The following UBR4 variants were observed in gnomAD, a reference collection of about 807,000 sequenced individuals.
UBR4 encodes the protein ubiquitin protein ligase E3 component n-recognin 4, also known as E3 ubiquitin-protein ligase UBR4.
A neutral mutation model predicts 575.6 loss-of-function variants in UBR4; 124 were observed. The observed-to-expected ratio is 0.22, with a 90% CI of 0.19 to 0.25. The LOEUF (loss-of-function observed/expected upper bound fraction) is 0.25, where lower values mean the gene tolerates loss of function less well. UBR4 is among the 10% of genes least tolerant of loss of function. The pLI is 1.00. For synonymous variants in UBR4, 2,455 were observed against 2,473.7 expected (o/e 0.99, Z 0.22); for missense variants, 4,818 against 6,478.8 (o/e 0.74, Z 8.80).
At chr1:19,126,407 C>T in intron 64 of UBR4, 39 bp downstream of exon 64, 2 of 1,612,818 alleles carry the variant, frequency 1.2e-6, no homozygotes, top group East Asian at 2.2e-5. Flanking sequence ...GTGCTCTGAA[C>T]AAAGGACGAG....
chr1:19,179,309 T>A lies in UBR4; in HGVS notation c.2185-89A>T, dbSNP rs2090622160. The A allele has an allele frequency of 3.0e-6, 4 of 1,333,760 alleles. 1 individual carries two copies. The South Asian group carries it at 7.4e-5, about 25-fold the overall frequency. 82.6% of individuals were successfully genotyped at this position (1,333,760 alleles called of 1,614,324 possible). The stretch of plus-strand genomic sequence containing the variant: ...TCATGTTCTCAAACGTTTGTTTGTT[T>A]AATATTGAACAGAATATTTTAAAGA... On this transcript the variant is annotated intron_variant, in intron 17 of 105. Transcript: ENST00000375254.
At chr1:19,082,520 C>T (rs2076621108) in intron 102 of UBR4, among the ~76,000 whole-genome samples, 1 of 152,206 alleles carries the variant, frequency 6.6e-6, no homozygotes, top group South Asian at 2.1e-4. Context: ...TGACACGCTT[C>T]TGGGTACACT....
rs139905088 is a variant in UBR4, at chr1:19,088,861, G to A, written c.14328C>T (p.Asp4776=). The A allele has an allele frequency of 1.5e-5, 25 of 1,614,034 alleles. No individual in the cohort carries two copies. Among genetic ancestry groups the A allele is most frequent in the Admixed American group, 6.7e-5 (4 of 60,002 alleles). The change falls in exon 98 of 106, where the codon GAC becomes GAT. Residue 4776 remains aspartate (D), a synonymous_variant. Coordinates refer to ENST00000375254, the MANE Select transcript of UBR4 (RefSeq NM_020765.3). This position sits in a 1 kb window ranked among gnomAD's most constrained non-coding sequence, Gnocchi z 4.0. ...GGGCTGCGTCAATCTTCTTGTTTAC[G>A]TCAGGGTGTTCCCGCAGGGCTTCCA... ...NLLEALREHP[D]VNKKIDAARR...
Position 19,210,089 on chromosome 1 carries a change from C to A in UBR4, c.160G>T (p.Ala54Ser). The A allele has an allele frequency of 6.4e-7, 1 of 1,573,576 alleles. No homozygotes were observed. Among genetic ancestry groups the A allele is most frequent in the South Asian group, 1.2e-5 (1 of 86,746 alleles). ...GCCCGGTACCTCTCGATGACTGAGG[C>A]CACCAGCTGCGGCAACTCCTTCATC... The part of the protein sequence containing the change: ...FEMKELPQLV[A>S]SVIESESEIL... The change falls in exon 1 of 106, where the codon GCC (alanine) becomes TCC (serine). Residue 54 changes from alanine (A) to serine (S), a missense_variant. Physicochemically the swap from Ala to Ser is moderately conservative, Grantham distance 99. Around this residue, in one of 29 missense-constraint regions of UBR4, gnomAD observed 95 missense variants for 87.7 expected, o/e 1.08. Coordinates refer to ENST00000375254, the MANE Select transcript of UBR4 (RefSeq NM_020765.3).
intron 48 of UBR4, 89 bp from the exon 49 acceptor site, chr1:19,150,882 G>T: frequency 7.8e-7 from 1 of 1,274,884 alleles, no homozygotes; most frequent in Non-Finnish European, 1.1e-6. Context: ...GAGCAAAGAA[G>T]TAAATCACGT....
At chr1:19,194,726 T>C (rs1428189818) in intron 8 of UBR4, among the ~76,000 whole-genome samples, 2 of 152,030 alleles carry the variant, frequency 1.3e-5, no homozygotes, top group Non-Finnish European at 2.9e-5. Context: ...CACTTGAACC[T>C]GGGGGGCAGA....
At chr1:19,109,492 C>G (rs2079600274) in intron 81 of UBR4, among the ~76,000 whole-genome samples, 1 of 152,214 alleles carries the variant, frequency 6.6e-6, no homozygotes, top group African/African-American at 2.4e-5. Context: ...TAAGGAGCAG[C>G]TAACAAAGTG....
chr1:19,176,805 C>T (rs916192014), intron 19 of UBR4, 78 bp from the exon 20 acceptor site: 12 of 1,482,874 alleles, frequency 8.1e-6, no homozygotes, highest in Middle Eastern at 2.1e-4. Flanking sequence ...GATAATAGCT[C>T]GGTACACTGA....
At position 19,137,957 on chromosome 1, in the gene UBR4, AAT is replaced by A. The variant is rs758548186; in HGVS notation, c.8906+48_8906+49del. ...AATTGATCAGTCCTACTATTCCTGA[AAT>A]AGTCTCAGATAGGCAAGCCTCTTAA... On this transcript the variant is annotated intron_variant, in intron 60 of 105. Transcript: ENST00000375254. The A allele has an allele frequency of 1.7e-5, 25 of 1,429,814 alleles. No homozygotes were observed. The African/African-American group carries it at 3.3e-4, about 19-fold the overall frequency. The allele number at this position is 1,429,814 out of a possible 1,614,324, so 88.6% of individuals were successfully genotyped here.
chr1:19,186,395 A>C, intron 14 of UBR4, 145 bp downstream of exon 14: 1 of 511,684 alleles, frequency 2.0e-6, no homozygotes, highest in African/African-American at 1.9e-5. Context: ...TCATCTTTGA[A>C]TGCACATAAA....
rs1239090558 is a variant in UBR4 at position 19,160,864 on chromosome 1, T to C, written c.5406+53A>G. On this transcript the variant is annotated intron_variant, in intron 38 of 105. Coordinates refer to ENST00000375254, the MANE Select transcript of UBR4 (RefSeq NM_020765.3). ...TGTGCATTATTTACTCTCACACCAATTCAACAGGCTCTGAACTCTGTCTGC... is the reference window on the plus strand; with the variant it reads ...TGTGCATTATTTACTCTCACACCAACTCAACAGGCTCTGAACTCTGTCTGC... 6 of 1,567,202 alleles carry C rather than the reference T, an allele frequency of 3.8e-6. No individual in the cohort carries two copies. The East Asian group carries it at 9.0e-5, about 24-fold the overall frequency.
intron 44 of UBR4, 131 bp from the exon 45 acceptor site, chr1:19,154,070 T>C: frequency 9.8e-7 from 1 of 1,016,230 alleles, no homozygotes; most frequent in Non-Finnish European, 1.4e-6. Flanking sequence ...ACTCAGATTA[T>C]CCACAGGTTA....
At chr1:19,079,098 T>C (rs1157133746) in intron 103 of UBR4, 1 of 152,186 alleles carries the variant, frequency 6.6e-6, no homozygotes, top group African/African-American at 2.4e-5. Context: ...TTAAAATGTT[T>C]AGTATTAAAA....
At chr1:19,208,075 T>G (rs1357159107) in intron 1 of UBR4, among the ~76,000 whole-genome samples, 1 of 152,224 alleles carries the variant, frequency 6.6e-6, no homozygotes, top group African/African-American at 2.4e-5. Context: ...GTATTTCTTC[T>G]GGAAATTTTT....
intron 92 of UBR4, 101 bp downstream of exon 92, chr1:19,096,422 G>A: frequency 2.6e-6 from 4 of 1,518,632 alleles, no homozygotes; most frequent in Non-Finnish European, 3.5e-6. Flanking sequence ...GCACCATGCT[G>A]CCCTCTAGGG....
intron 55 of UBR4, 58 bp from the exon 56 acceptor site, chr1:19,141,835 G>A: frequency 1.3e-6 from 2 of 1,595,880 alleles, no homozygotes; most frequent in Admixed American, 1.7e-5. Flanking sequence ...TTGGCACATG[G>A]TGCCATAAGT....
chr1:19,099,307 C>T (rs577494089), intron 90 of UBR4, among the ~76,000 whole-genome samples: 18 of 152,360 alleles, frequency 1.2e-4, no homozygotes, highest in Admixed American at 2.6e-4. Context: ...GAGCCTCCTT[C>T]GACACCCCCT....
intron 34 of UBR4, among the ~76,000 whole-genome samples, chr1:19,162,979 A>G (rs1248703033): frequency 6.6e-6 from 1 of 152,208 alleles, no homozygotes; most frequent in Non-Finnish European, 1.5e-5. Flanking sequence ...TAACATTAGC[A>G]TTTTTTAACC....
At chr1:19,173,123 G>A (rs1447341347) in intron 24 of UBR4, 30 bp from the exon 25 acceptor site, 1 of 1,613,622 alleles carries the variant, frequency 6.2e-7, no homozygotes, top group East Asian at 2.2e-5. Context: ...ATAATTAGCT[G>A]TGGCAATGGG....
Sources: allele counts gnomAD v4.1 joint callset (sites outside exome capture counted in the v4.1 genomes callset), GRCh38; gene constraint gnomAD v4.1.1; regional missense constraint gnomAD v4.1.1; non-coding constraint Gnocchi (gnomAD v3.1); transcripts MANE v1.5; gene names NCBI Gene and HGNC (gene_info 2026-07-23, HGNC 2026-07-21).